The following MZT2A variants were observed in gnomAD, a reference collection of about 807,000 sequenced individuals.
MZT2A encodes the protein mitotic-spindle organizing protein 2A.
Under a neutral mutation model 12.4 loss-of-function variants are expected in MZT2A, and 8 were observed. That is an observed-to-expected ratio of 0.64 (90% CI 0.38 to 1.16). The LOEUF is 1.16. MZT2A is among the 50% of genes most tolerant of loss of function. MZT2A has a pLI of 0.01. For missense variants in MZT2A, 181 were observed against 223.6 expected, an observed-to-expected ratio of 0.81 and a Z score of 1.22; for synonymous variants, 88 against 107.5, an observed-to-expected ratio of 0.82 and a Z score of 1.12.
At chr2:131,491,610 G>A (rs1679309349) in intron 2 of MZT2A, 1 of 589,426 alleles carries the variant, frequency 1.7e-6, no homozygotes, top group Non-Finnish European at 2.9e-6. Context: ...GAGTGAAGAG[G>A]TGGGGAGGAG....
chr2:131,475,179 C>T (rs1263808247), intron 2 of MZT2A, among the ~76,000 whole-genome samples: 1 of 151,976 alleles, frequency 6.6e-6, no homozygotes, highest in East Asian at 1.9e-4. Context: ...GTGGGTCTCA[C>T]CACGTTGCCC....
At chr2:131,482,403 T>C, downstream of MZT2A, 2 of 1,323,920 alleles carry the variant, frequency 1.5e-6, no homozygotes, top group Non-Finnish European at 2.0e-6. Context: ...TCACCCTGCC[T>C]GGTGCAGAGA....
At position 131,491,865 on chromosome 2, in the gene MZT2A, C is replaced by T; in HGVS notation, c.319+11G>A. ...CGCCACTGGGGCAGGGACAGCGGGC[C>T]CAGCTCTGACCTCGGGTCTCGGGCA... On this transcript the variant is annotated intron_variant, in intron 2 of 2. Coordinates refer to ENST00000309451, the MANE Select transcript of MZT2A (RefSeq NM_001085365.2). The T allele has an allele frequency of 6.8e-7, 1 of 1,463,386 alleles. No individual in the cohort carries two copies. Among genetic ancestry groups the T allele is most frequent in the South Asian group, 1.4e-5 (1 of 73,998 alleles). 90.7% of individuals were successfully genotyped at this position (1,463,386 alleles called of 1,614,324 possible). A position where few individuals can be genotyped will look rare whatever the true frequency, so the allele number is the denominator to read the frequency against.
In MZT2A at chr2:131,491,087, G is replaced by A. The variant is rs534010409; in HGVS notation, c.319+789C>T. ...GTCTCCTCCTGCTTCCAGGCAGGGA[G>A]CCAGCTCTGGGCCTCCTTCCATTGG... On this transcript the variant is annotated intron_variant, in intron 2 of 2. Transcript: ENST00000309451. 7.2e-4 allele frequency: 617 copies of A among 853,936 alleles called. 2 individuals carry two copies. The highest frequency in any genetic ancestry group is 1.0e-3 in the Non-Finnish European group (550 of 534,290). 52.9% of individuals were successfully genotyped at this position (853,936 alleles called of 1,614,324 possible).
rs1376009970 is a variant in MZT2A at position 131,491,130 on chromosome 2, C to A, written c.319+746G>T. On this transcript the variant is annotated intron_variant, in intron 2 of 2. Transcript: ENST00000309451. ...TCCATTGGCCTGGGAGGTTGTGCTGCATTTCAGAGAGAGCCATCGGGAGCA... is the reference window on the plus strand; with the variant it reads ...TCCATTGGCCTGGGAGGTTGTGCTGAATTTCAGAGAGAGCCATCGGGAGCA... 6 of 627,680 alleles carry A rather than the reference C, an allele frequency of 9.6e-6. No homozygotes were observed. In the African/African-American group the frequency reaches 1.1e-4, roughly 11 times the overall value. 38.9% of individuals were successfully genotyped at this position (627,680 alleles called of 1,614,324 possible).
Position 131,492,125 on chromosome 2 carries a change from C to A in MZT2A, c.170+82G>T. On this transcript the variant is annotated intron_variant, in intron 1 of 2. Coordinates refer to ENST00000309451, the MANE Select transcript of MZT2A (RefSeq NM_001085365.2). ...GGGGGCGGGGGCAGCGGGGGCTCCT[C>A]CCGACCAGCGGGCCGGGCGTACCCG... The A allele has an allele frequency of 3.9e-6, 6 of 1,547,230 alleles. No individual in the cohort carries two copies. In the South Asian group the frequency reaches 7.2e-5, roughly 19 times the overall value.
chr2:131,490,575 T>C lies in MZT2A; in HGVS notation c.319+1301A>G. 6 of 1,526,468 alleles carry C rather than the reference T, an allele frequency of 3.9e-6. No individual in the cohort carries two copies. In the South Asian group the frequency reaches 7.4e-5, roughly 19 times the overall value. The allele number at this position is 1,526,468 out of a possible 1,614,324, so 94.6% of individuals were successfully genotyped here. A position where few individuals can be genotyped will look rare whatever the true frequency, so the allele number is the denominator to read the frequency against. On this transcript the variant is annotated intron_variant, in intron 2 of 2. Coordinates refer to ENST00000309451, the MANE Select transcript of MZT2A (RefSeq NM_001085365.2). The stretch of plus-strand genomic sequence containing the variant: ...AAACCGAGTCAGAAATAGTGCCCTG[T>C]GGCTAAGCGGCAGGGCAGCGGTGGC...
chr2:131,475,876 C>A (rs1011119652), intron 2 of MZT2A, among the ~76,000 whole-genome samples: 3 of 152,180 alleles, frequency 2.0e-5, no homozygotes, highest in African/African-American at 7.2e-5. Flanking sequence ...ACAGAGGCAG[C>A]GCAGTAGCTG....
chr2:131,492,919 T>A (rs1679407839), upstream of MZT2A: 1 of 1,510,690 alleles, frequency 6.6e-7, no homozygotes, highest in Admixed American at 2.0e-5. Flanking sequence ...GACCACTCCC[T>A]CCCCCCGCAC....
chr2:131,491,683 C>T, intron 2 of MZT2A, 193 bp downstream of exon 2: 1 of 794,208 alleles, frequency 1.3e-6, no homozygotes, highest in East Asian at 2.7e-5. Context: ...GTCCACCTGA[C>T]CTGGACGTGC....
chr2:131,490,015 C>T (rs56856510), intron 2 of MZT2A: 89,272 of 971,032 alleles, frequency 0.092, 4,357 homozygotes, highest in African/African-American at 0.15. Flanking sequence ...TTGCTCATCT[C>T]AGCCTGCAGT....
At chr2:131,492,866 T>C, upstream of MZT2A, 2 of 1,492,810 alleles carry the variant, frequency 1.3e-6, no homozygotes, top group Non-Finnish European at 1.8e-6. Flanking sequence ...AGCCCTACCT[T>C]GGGGCGCCAG....
chr2:131,488,063 G>A (rs563861816), intron 2 of MZT2A, among the ~76,000 whole-genome samples: 7 of 152,020 alleles, frequency 4.6e-5, no homozygotes, highest in Non-Finnish European at 7.4e-5. Context: ...CTTTTGTACC[G>A]GTCCTTTGGC....
At chr2:131,483,669 C>T (rs1327432201), downstream of MZT2A, among the ~76,000 whole-genome samples, 5 of 152,058 alleles carry the variant, frequency 3.3e-5, no homozygotes, top group Non-Finnish European at 5.9e-5. Flanking sequence ...GAGCCAAGAT[C>T]GCACTACTGC....
At chr2:131,493,102 C>T, upstream of MZT2A, 6 of 1,493,404 alleles carry the variant, frequency 4.0e-6, no homozygotes, top group South Asian at 1.3e-5. Flanking sequence ...GGAATGGCGG[C>T]TTCCACCTCT....
At chr2:131,479,515 T>C (rs1678779690), downstream of MZT2A, 1 of 1,596,650 alleles carries the variant, frequency 6.3e-7, no homozygotes, top group Admixed American at 1.7e-5. Flanking sequence ...GTTCTTGGAA[T>C]GTGAAAGGGA....
At chr2:131,489,278 C>T (rs1201614333) in intron 2 of MZT2A, 2 of 151,826 alleles carry the variant, frequency 1.3e-5, no homozygotes, top group Non-Finnish European at 2.9e-5. Context: ...CTCACTGCAA[C>T]ATCCCCCTCA....
intron 2 of MZT2A, among the ~76,000 whole-genome samples, chr2:131,485,688 G>A (rs1382051116): frequency 1.3e-5 from 2 of 152,264 alleles, no homozygotes; most frequent in South Asian, 4.1e-4. Context: ...CAAGGGTTCA[G>A]CCAACAGAAC....
In MZT2A at chr2:131,476,084, C is replaced by G. The variant is rs998556230; in HGVS notation, c.279-3902G>C. The G allele has an allele frequency of 3.9e-6, 6 of 1,535,944 alleles. No homozygotes were observed. The African/African-American group carries it at 8.3e-5, about 21-fold the overall frequency. Reference sequence around the variant, plus strand: ...CTCCGAGCCAATGGCGGCCTGGCACCGGCGGGCCAATCCCGTGCGGCGCGC... The same window carrying G: ...CTCCGAGCCAATGGCGGCCTGGCACGGGCGGGCCAATCCCGTGCGGCGCGC... On this transcript the variant is annotated intron_variant and NMD_transcript_variant, in intron 2 of 4. Transcript: ENST00000427024.
Sources: gnomAD v4.1 joint callset for allele counts (sites outside exome capture counted in the v4.1 genomes callset) on GRCh38, gnomAD v4.1.1 for gene constraint, MANE v1.5 for transcripts, NCBI Gene and HGNC (gene_info 2026-07-23, HGNC 2026-07-21) for gene names.